HERC1: variants seen among roughly 807,000 people sequenced by gnomAD.
HERC1 encodes the protein probable E3 ubiquitin-protein ligase HERC1.
HERC1 carries 160 observed loss-of-function variants against 554.3 expected under a neutral mutation model. The observed-to-expected ratio is 0.29, with a 90% CI of 0.25 to 0.33. The LOEUF is 0.33. HERC1 is among the 10% of genes least tolerant of loss of function. HERC1 has a pLI of 1.00. For synonymous variants in HERC1, 2,175 were observed against 2,131.7 expected, an observed-to-expected ratio of 1.02 and a Z score of -0.56; for missense variants, 4,919 against 5,918.5, an observed-to-expected ratio of 0.83 and a Z score of 5.54.
At chr15:63,772,296 C>T (rs1395501452) in intron 2 of HERC1, among the ~76,000 whole-genome samples, 1 of 152,072 alleles carries the variant, frequency 6.6e-6, no homozygotes, top group Non-Finnish European at 1.5e-5. Context: ...AAGGTAAGGT[C>T]CTCGAGGAAG....
chr15:63,718,310 T>C lies in HERC1; in HGVS notation c.3978+264A>G, dbSNP rs2140387292. ...TCAGCACAAAGAGAGGAATAATCAT[T>C]CATATGATTTGAATCATTCAATTTG... On this transcript the variant is annotated intron_variant, in intron 21 of 77. Transcript: ENST00000443617. This position sits in a 1 kb window ranked among gnomAD's most constrained non-coding sequence, Gnocchi z 4.2. 3.0e-6 allele frequency: 1 copy of C among 333,750 alleles called. No individual in the cohort carries two copies. 20.7% of individuals were successfully genotyped at this position (333,750 alleles called of 1,614,324 possible).
chr15:63,829,562 T>C (rs2078079155), intron 1 of HERC1, among the ~76,000 whole-genome samples: 1 of 31,374 alleles, frequency 3.2e-5, no homozygotes, highest in East Asian at 3.2e-4. Flanking sequence ...TGTGTGTGTG[T>C]ATATATATAT....
At chr15:63,658,463 AC>A in intron 48 of HERC1, 80 bp downstream of exon 48, 1 of 1,251,876 alleles carries the variant, frequency 8.0e-7, no homozygotes, top group Non-Finnish European at 1.1e-6. Context: ...ATTCTATCTC[AC>A]CCTCCCAAAC....
At chr15:63,732,117 C>T (rs961902696) in intron 14 of HERC1, among the ~76,000 whole-genome samples, 14 of 152,012 alleles carry the variant, frequency 9.2e-5, no homozygotes, top group African/African-American at 2.4e-4. Flanking sequence ...TCTCCCACCT[C>T]GGCCTCCTGA....
chr15:63,652,345 C>A, intron 52 of HERC1, 69 bp downstream of exon 52: 1 of 1,443,172 alleles, frequency 6.9e-7, no homozygotes, highest in South Asian at 1.4e-5. Flanking sequence ...ATTACATTAA[C>A]ACAACCAAGA....
Position 63,694,965 on chromosome 15 carries a change from CATTTT to C in HERC1, c.5122-76_5122-72del, listed in dbSNP as rs1488677831. On this transcript the variant is annotated intron_variant, in intron 27 of 77. Transcript: ENST00000443617. This position sits in a 1 kb window ranked among gnomAD's most constrained non-coding sequence, Gnocchi z 4.3. Reference sequence around the variant, plus strand: ...ACCTGCTTGCAAAAAGAAGTAATAACATTTTATTTCTAGTCTATGCTAGAGCCTTA... The same window carrying C: ...ACCTGCTTGCAAAAAGAAGTAATAACATTTCTAGTCTATGCTAGAGCCTTA... The C allele has an allele frequency of 7.2e-7, 1 of 1,386,432 alleles. No individual in the cohort carries two copies. Among genetic ancestry groups the C allele is most frequent in the East Asian group, 2.4e-5 (1 of 41,158 alleles). The allele number at this position is 1,386,432 out of a possible 1,614,324, so 85.9% of individuals were successfully genotyped here.
At chr15:63,759,799 A>G (rs1031165407) in intron 3 of HERC1, among the ~76,000 whole-genome samples, 3 of 152,240 alleles carry the variant, frequency 2.0e-5, no homozygotes, top group African/African-American at 7.2e-5. Flanking sequence ...GTTTGCTAGC[A>G]CATGAAATGG....
In HERC1 at chr15:63,648,206, T is replaced by G. The variant is rs945662082; in HGVS notation, c.10748-7A>C. On this transcript the variant is annotated splice_polypyrimidine_tract_variant and splice_region_variant and intron_variant, in intron 54 of 77. Coordinates refer to ENST00000443617, the MANE Select transcript of HERC1 (RefSeq NM_003922.4). ...GCAATGCAAGTAACAGACACTAACA[T>G]GATCAAAACAAAAGAGTAAGGAAAA... The G allele has an allele frequency of 6.3e-7, 1 of 1,599,722 alleles. No homozygotes were observed. Among genetic ancestry groups the G allele is most frequent in the South Asian group, 1.1e-5 (1 of 88,360 alleles).
At chr15:63,745,915 C>T (rs1013004081) in intron 12 of HERC1, among the ~76,000 whole-genome samples, 7 of 152,106 alleles carry the variant, frequency 4.6e-5, no homozygotes, top group African/African-American at 1.7e-4. Flanking sequence ...AATTTAAGTC[C>T]TCTCTCATTT....
chr15:63,743,263 C>CTTTTTTTTTTTTTTTTTTTTTTTTT (rs71131177), intron 12 of HERC1, among the ~76,000 whole-genome samples: 26 of 109,142 alleles, frequency 2.4e-4, no homozygotes, highest in Non-Finnish European at 3.0e-4. Flanking sequence ...TTTTCTTTTT[C>CTTTTTTTTTTTTTTTTTTTTTTTTT]TTTTTTTTTT....
chr15:63,690,215 C>A (rs2072029586), intron 32 of HERC1, among the ~76,000 whole-genome samples: 1 of 151,710 alleles, frequency 6.6e-6, no homozygotes, highest in Non-Finnish European at 1.5e-5. Context: ...AAGTGGGTCC[C>A]ATTTTGCCTT....
rs373226973 is a variant in HERC1 at position 63,774,986 on chromosome 15, T to C, written c.638A>G (p.Lys213Arg). Reference protein sequence around the residue: ...LPPLSLANESKIPPMGLDCLS... With the variant: ...LPPLSLANESRIPPMGLDCLS... ...GCAGTCCAAGCCCATAGGAGGAATC[T>C]TGCTTTCATTTGCTAATGATAATGG... The change falls in exon 2 of 78, where the codon AAG becomes AGG. Residue 213 changes from lysine (K) to arginine (R), a missense_variant. Transcript: ENST00000443617. The C allele has an allele frequency of 7.4e-6, 12 of 1,613,930 alleles. No homozygotes were observed. Among genetic ancestry groups the C allele is most frequent in the South Asian group, 4.4e-5 (4 of 91,090 alleles).
intron 22 of HERC1, among the ~76,000 whole-genome samples, chr15:63,714,637 C>A (rs191234531): frequency 1.3e-5 from 2 of 150,448 alleles, no homozygotes; most frequent in African/African-American, 4.9e-5. Context: ...GCAACCTCCA[C>A]CCCCAGGTTC....
chr15:63,664,615 G>C (rs747945731), intron 42 of HERC1, 21 bp from the exon 43 acceptor site: 39 of 1,604,776 alleles, frequency 2.4e-5, no homozygotes, highest in African/African-American at 1.3e-5. Flanking sequence ...AAGTGAGAAA[G>C]CAACACAAAG....
At chr15:63,763,710 G>A (rs559618397) in intron 3 of HERC1, among the ~76,000 whole-genome samples, 19 of 152,092 alleles carry the variant, frequency 1.2e-4, no homozygotes, top group Middle Eastern at 3.4e-3. Flanking sequence ...AAGAGGTTAT[G>A]ACAAGGCTGT....
rs375981726 is a variant in HERC1 at position 63,640,200 on chromosome 15, G to C, written c.11853C>G (p.Thr3951=). The stretch of plus-strand genomic sequence containing the variant: ...CTGGAACAGGTTCTAGATCTGGAAC[G>C]GTAAAAGATTCTGGAAACTGGGCTC... The part of the protein sequence containing the change: ...TNGAQFPESF[T]VPDLEPVPED... The change falls in exon 61 of 78, where the codon ACC becomes ACG. Residue 3951 remains threonine (T), a synonymous_variant. Coordinates refer to ENST00000443617, the MANE Select transcript of HERC1 (RefSeq NM_003922.4). 10 of 1,613,876 alleles carry C rather than the reference G, an allele frequency of 6.2e-6. No individual in the cohort carries two copies. In the East Asian group the frequency reaches 8.9e-5, roughly 14 times the overall value.
chr15:63,810,367 C>T lies in HERC1; in HGVS notation c.-27+23460G>A, dbSNP rs147148078. 8.3e-3 allele frequency among the ~76,000 whole-genome samples: 1,258 copies of T among 151,960 alleles called. 24 individuals are homozygous for T. The highest frequency in any genetic ancestry group is 0.029 in the African/African-American group (1,206 of 41,436). On this transcript the variant is annotated intron_variant, in intron 1 of 77. Transcript: ENST00000443617. ...AAAAGAAATGAAATTTTGATATATA[C>T]TATGAGGAGATCTTTAAACTATTAT...
chr15:63,655,324 A>T (rs2069968010), intron 50 of HERC1, among the ~76,000 whole-genome samples: 1 of 152,248 alleles, frequency 6.6e-6, no homozygotes, highest in African/African-American at 2.4e-5. Context: ...ACTGCACTCC[A>T]GTTTGGGTGA....
Position 63,665,955 on chromosome 15 carries a change from G to C in HERC1, c.8519C>G (p.Ala2840Gly), listed in dbSNP as rs1255871972. 6.2e-7 allele frequency: 1 copy of C among 1,613,868 alleles called. No individual in the cohort carries two copies. Among genetic ancestry groups the C allele is most frequent in the South Asian group, 1.1e-5 (1 of 91,076 alleles). Reference sequence around the variant, plus strand: ...ACCTTCCTCCATTTCAGCAGCATCAGCTGATGGTATGTCTCCAGGTGACTG... The same window carrying C: ...ACCTTCCTCCATTTCAGCAGCATCACCTGATGGTATGTCTCCAGGTGACTG... ...YLQSPGDIPSADAAEMEEGFS... is the reference protein window; with the variant it reads ...YLQSPGDIPSGDAAEMEEGFS... The change falls in exon 42 of 78, where the codon GCT (alanine) becomes GGT (glycine). Residue 2840 changes from alanine (A) to glycine (G), a missense_variant. Physicochemically the swap from Ala to Gly is moderately conservative, Grantham distance 60. Coordinates refer to ENST00000443617, the MANE Select transcript of HERC1 (RefSeq NM_003922.4).
Sources: gnomAD v4.1 joint callset for allele counts (sites outside exome capture counted in the v4.1 genomes callset) on GRCh38, gnomAD v4.1.1 for gene constraint, Gnocchi (gnomAD v3.1) non-coding constraint, MANE v1.5 for transcripts, NCBI Gene and HGNC (gene_info 2026-07-23, HGNC 2026-07-21) for gene names.